ERBB4: variants seen among roughly 807,000 people sequenced by gnomAD.
The protein encoded by ERBB4 is erb-b2 receptor tyrosine kinase 4, also known as receptor tyrosine-protein kinase erbB-4.
In ERBB4, 42 loss-of-function variants were observed where a neutral mutation model predicts 158.0. The observed-to-expected ratio is 0.27, with a 90% confidence interval of 0.21 to 0.34. The LOEUF is 0.34. Among genes scored for constraint, ERBB4 ranks in the 10% least tolerant of loss-of-function variants. The pLI, the probability that ERBB4 is intolerant of heterozygous loss-of-function variation, is 1.00. For missense variants in ERBB4, 1,333 were observed against 1,624.1 expected (o/e 0.82, Z 3.08); for synonymous variants, 583 against 558.7 (o/e 1.04, Z -0.61).
intron 20 of ERBB4, among the ~76,000 whole-genome samples, chr2:211,553,087 A>G (rs113001444): frequency 0.057 from 8,650 of 151,032 alleles, 288 homozygotes; most frequent in Middle Eastern, 0.14. Flanking sequence ...TCCTACCTCG[A>G]CCTCCTGAGT....
chr2:211,879,475 C>G (rs1433028713), intron 3 of ERBB4, among the ~76,000 whole-genome samples: 1 of 152,202 alleles, frequency 6.6e-6, no homozygotes, highest in African/African-American at 2.4e-5. Flanking sequence ...ATCTATTACA[C>G]TAGCAAATGT....
chr2:211,386,493 C>A (rs944900305), intron 27 of ERBB4, among the ~76,000 whole-genome samples: 2 of 152,080 alleles, frequency 1.3e-5, no homozygotes, highest in Admixed American at 6.5e-5. Flanking sequence ...CAATTAAGTC[C>A]AATAAAGCTA....
At chr2:211,831,671 G>A (rs2077222492) in intron 3 of ERBB4, among the ~76,000 whole-genome samples, 1 of 152,128 alleles carries the variant, frequency 6.6e-6, no homozygotes, top group Non-Finnish European at 1.5e-5. Flanking sequence ...GGAGGCTGAG[G>A]TGGGTGGATC....
chr2:212,219,291 G>A (rs2105948083), intron 1 of ERBB4, among the ~76,000 whole-genome samples: 1 of 151,440 alleles, frequency 6.6e-6, no homozygotes, highest in East Asian at 1.9e-4. Context: ...AATTATAAAT[G>A]GTAGGGTGAA....
intron 2 of ERBB4, among the ~76,000 whole-genome samples, chr2:212,073,015 G>A (rs2078169802): frequency 6.6e-6 from 1 of 151,940 alleles, no homozygotes; most frequent in Admixed American, 6.6e-5. Flanking sequence ...CCTGAACTGA[G>A]CTTACAATTA....
chr2:211,682,496 T>TA (rs1440822356), intron 12 of ERBB4, among the ~76,000 whole-genome samples: 1 of 152,108 alleles, frequency 6.6e-6, no homozygotes, highest in Non-Finnish European at 1.5e-5. Flanking sequence ...AAATGATATT[T>TA]AAAAAAATAT....
rs2090217204 is a variant in ERBB4 at position 212,373,996 on chromosome 2, C to A, written c.82+164453G>T. Among the ~76,000 whole-genome samples the A allele has an allele frequency of 3.6e-5, 4 of 111,152 alleles. 1 individual carries two copies. In the South Asian group the frequency reaches 9.5e-4, roughly 26 times the overall value. The allele number at this position is 111,152 out of a possible 152,430, so 72.9% of individuals were successfully genotyped here. A position where few individuals can be genotyped will look rare whatever the true frequency, so the allele number is the denominator to read the frequency against. On this transcript the variant is annotated intron_variant, in intron 1 of 27. Coordinates refer to ENST00000342788, the MANE Select transcript of ERBB4 (RefSeq NM_005235.3). ...TCCATATATATATATCCATATATAT[C>A]CATATATATATATCCATATATATCC...
chr2:211,527,731 T>A (rs2066387030), intron 20 of ERBB4, among the ~76,000 whole-genome samples: 1 of 152,090 alleles, frequency 6.6e-6, no homozygotes, highest in Non-Finnish European at 1.5e-5. Context: ...AGTGTAGAGT[T>A]TTTATTAGTT....
intron 25 of ERBB4, among the ~76,000 whole-genome samples, chr2:211,395,007 T>C (rs1278917253): frequency 2.6e-5 from 4 of 152,046 alleles, no homozygotes; most frequent in Non-Finnish European, 4.4e-5. Context: ...CACTTCCAAC[T>C]ACCAAAGGAT....
intron 1 of ERBB4, among the ~76,000 whole-genome samples, chr2:212,389,328 T>C (rs1574830611): frequency 6.6e-6 from 1 of 152,078 alleles, no homozygotes; most frequent in South Asian, 2.1e-4. Context: ...TATACACATA[T>C]AGGCATGTTG....
intron 1 of ERBB4, among the ~76,000 whole-genome samples, chr2:212,279,175 C>T (rs937980733): frequency 3.3e-5 from 5 of 151,442 alleles, no homozygotes; most frequent in Admixed American, 3.3e-4. Flanking sequence ...TGAAATTTCT[C>T]TACACTGTCT....
At chr2:211,441,228 A>C (rs1309295073) in intron 20 of ERBB4, among the ~76,000 whole-genome samples, 1 of 152,140 alleles carries the variant, frequency 6.6e-6, no homozygotes, top group Non-Finnish European at 1.5e-5. Flanking sequence ...ATAAAGACTA[A>C]GAGAAAGAGA....
intron 16 of ERBB4, among the ~76,000 whole-genome samples, 176 bp from the exon 17 acceptor site, chr2:211,630,770 A>G (rs2070088135): frequency 6.6e-6 from 1 of 152,196 alleles, no homozygotes; most frequent in South Asian, 2.1e-4. Flanking sequence ...TCTCATGGTA[A>G]AAACTATGGT....
intron 19 of ERBB4, among the ~76,000 whole-genome samples, chr2:211,590,893 C>T (rs2068441204): frequency 6.6e-6 from 1 of 152,178 alleles, no homozygotes; most frequent in Non-Finnish European, 1.5e-5. Flanking sequence ...TCTTGTTATG[C>T]AACAGGAAGA....
At chr2:212,379,338 A>G (rs2090428693) in intron 1 of ERBB4, among the ~76,000 whole-genome samples, 1 of 151,766 alleles carries the variant, frequency 6.6e-6, no homozygotes. Context: ...CAGTAACCAC[A>G]CAGTGATAAG....
intron 1 of ERBB4, among the ~76,000 whole-genome samples, chr2:212,164,829 C>A (rs1163217597): frequency 4.0e-5 from 6 of 151,722 alleles, no homozygotes; most frequent in Non-Finnish European, 8.8e-5. Context: ...TTAATTTTGC[C>A]TTGATCATTT....
intron 20 of ERBB4, among the ~76,000 whole-genome samples, chr2:211,537,180 T>C (rs1169357812): frequency 6.6e-6 from 1 of 151,936 alleles, no homozygotes; most frequent in Non-Finnish European, 1.5e-5. Flanking sequence ...CTAAGAGCAT[T>C]CTCAAAAACT....
chr2:211,571,414 G>T (rs1245200356), intron 19 of ERBB4, among the ~76,000 whole-genome samples: 9 of 151,904 alleles, frequency 5.9e-5, no homozygotes, highest in African/African-American at 9.7e-5. Flanking sequence ...TAAACAGCAG[G>T]GCATTTTTTT....
At chr2:211,815,301 C>T (rs1220907005) in intron 3 of ERBB4, among the ~76,000 whole-genome samples, 1 of 152,050 alleles carries the variant, frequency 6.6e-6, no homozygotes, top group Non-Finnish European at 1.5e-5. Context: ...TTATTCAAAA[C>T]AATATTTTAA....
Sources: allele counts gnomAD v4.1 joint callset (sites outside exome capture counted in the v4.1 genomes callset), GRCh38; gene constraint gnomAD v4.1.1; transcripts MANE v1.5; gene names NCBI Gene and HGNC (gene_info 2026-07-23, HGNC 2026-07-21).